Variants in FGB observed in about 807,000 individuals in gnomAD.
The protein encoded by FGB is fibrinogen beta chain.
FGB carries 25 observed loss-of-function variants against 57.9 expected under a neutral mutation model. The ratio of observed to expected loss-of-function variants is 0.43; its 90% CI spans 0.31 to 0.60. The LOEUF (loss-of-function observed/expected upper bound fraction) is 0.60. Among genes scored for constraint, FGB ranks in the 20% least tolerant of loss-of-function variants. The pLI, the probability that FGB is intolerant of heterozygous loss-of-function variation, is 0.08. For missense variants in FGB, 536 were observed against 598.4 expected (o/e 0.90, Z 1.09); for synonymous variants, 203 against 199.2 (o/e 1.02, Z -0.16).
chr4:154,563,406 A>ACTT, intron 1 of FGB, among the ~76,000 whole-genome samples: 1 of 152,002 alleles, frequency 6.6e-6, no homozygotes, highest in South Asian at 2.1e-4. Flanking sequence ...TGCTATTCTG[A>ACTT]GTACTGTGAT....
chr4:154,570,493 C>T lies in FGB; in HGVS notation c.1319C>T (p.Ala440Val). The change falls in exon 8 of 8, where the codon GCC (alanine) becomes GTC (valine). Residue 440 changes from alanine (A) to valine (V), a missense_variant. Physicochemically the swap from Ala to Val is moderately conservative, Grantham distance 64. Coordinates refer to ENST00000302068, the MANE Select transcript of FGB (RefSeq NM_005141.5). ...TGGTGGTATAATAGATGTCATGCAG[C>T]CAATCCAAACGGCAGATACTACTGG... ...GGWWYNRCHA[A>V]NPNGRYYWGG... is the part of the protein sequence containing the mutation. 6.2e-7 allele frequency: 1 copy of T among 1,614,096 alleles called. No individual in the cohort carries two copies. The highest frequency in any genetic ancestry group is 8.5e-7 in the Non-Finnish European group (1 of 1,179,998).
In FGB at chr4:154,567,698, G is replaced by A. The variant is rs548206997; in HGVS notation, c.596G>A (p.Arg199His). The A allele has an allele frequency of 5.1e-5, 83 of 1,613,730 alleles. No individual in the cohort carries two copies. Among genetic ancestry groups the A allele is most frequent in the East Asian group, 8.9e-5 (4 of 44,876 alleles). The change falls in exon 4 of 8, where the codon CGT becomes CAT. Residue 199 changes from arginine (R) to histidine (H), a missense_variant. By Grantham distance (29) the Arg-to-His change is conservative. This residue lies in a region of FGB where 354 missense variants were observed against 383.4 expected (regional missense o/e 0.92). Transcript: ENST00000302068. ...ATCCCAACTAACCTTCGTGTGCTTCGTTCAATCCTGGAAAACCTGAGAAGC... is the reference window on the plus strand; with the variant it reads ...ATCCCAACTAACCTTCGTGTGCTTCATTCAATCCTGGAAAACCTGAGAAGC... Reference protein sequence around the residue: ...SNIPTNLRVLRSILENLRSKI... With the variant: ...SNIPTNLRVLHSILENLRSKI...
chr4:154,564,576 C>A (rs1730078196), intron 1 of FGB, among the ~76,000 whole-genome samples: 1 of 151,992 alleles, frequency 6.6e-6, no homozygotes, highest in Non-Finnish European at 1.5e-5. Flanking sequence ...ATCTTAGCAC[C>A]ATCCTACTAA....
In FGB at chr4:154,566,836, T is replaced by C. The variant is rs994118230; in HGVS notation, c.490+164T>C. The C allele has an allele frequency of 6.0e-6, 4 of 664,172 alleles. No individual in the cohort carries two copies. The African/African-American group carries it at 7.2e-5, about 12-fold the overall frequency. 41.1% of individuals were successfully genotyped at this position (664,172 alleles called of 1,614,324 possible). On this transcript the variant is annotated intron_variant, in intron 3 of 7. Transcript: ENST00000302068. ...CTGCAACTTGCCAGATAAGCACTATTCAGCTCTTATTCCCAGTCTGACATC... is the reference window on the plus strand; with the variant it reads ...CTGCAACTTGCCAGATAAGCACTATCCAGCTCTTATTCCCAGTCTGACATC...
intron 1 of FGB, among the ~76,000 whole-genome samples, chr4:154,563,624 A>G (rs1283769789): frequency 6.6e-6 from 1 of 151,950 alleles, no homozygotes; most frequent in Non-Finnish European, 1.5e-5. Context: ...AAAATACATC[A>G]AGTGTAATGA....
At chr4:154,565,428 A>G in intron 1 of FGB, 1 of 293,936 alleles carries the variant, frequency 3.4e-6, no homozygotes, top group South Asian at 3.4e-5. Context: ...ATGATTAACA[A>G]TAATCATAGG....
rs886059141 is a variant in FGB at position 154,565,944 on chromosome 4, A to C, written c.251A>C (p.Lys84Thr). 13 of 1,614,046 alleles carry C rather than the reference A, an allele frequency of 8.1e-6. No homozygotes were observed. The highest frequency in any genetic ancestry group is 1.7e-4 in the Middle Eastern group (1 of 6,034). ...RPAKAAATQKKVERKAPDAGG... is the reference protein window; with the variant it reads ...RPAKAAATQKTVERKAPDAGG... ...GCCAAAGCAGCTGCCACTCAAAAGAAAGTAGAAAGAAAAGCCCCTGATGCT... is the reference window on the plus strand; with the variant it reads ...GCCAAAGCAGCTGCCACTCAAAAGACAGTAGAAAGAAAAGCCCCTGATGCT... Residue 84 changes from lysine to threonine, a missense_variant, in exon 2 of 8, where the codon AAA becomes ACA. Lys to Thr is a moderately conservative substitution (Grantham distance 78). Around this residue, in one of 3 missense-constraint regions of FGB, gnomAD observed 354 missense variants for 383.4 expected, o/e 0.92. Coordinates refer to ENST00000302068, the MANE Select transcript of FGB (RefSeq NM_005141.5).
chr4:154,570,741 T>G lies in FGB; in HGVS notation c.*91T>G, dbSNP rs1330090685. The G allele has an allele frequency of 1.0e-6, 1 of 972,708 alleles. No homozygotes were observed. Among genetic ancestry groups the G allele is most frequent in the East Asian group, 2.6e-5 (1 of 39,184 alleles). 60.3% of individuals were successfully genotyped at this position (972,708 alleles called of 1,614,324 possible). On this transcript the variant is annotated 3_prime_UTR_variant, in exon 8 of 8. Coordinates refer to ENST00000302068, the MANE Select transcript of FGB (RefSeq NM_005141.5). ...TTTTCTTTCATACATTATATTCCTC[T>G]AAAACTCTCAAGCAGACGTGAGTGT...
intron 3 of FGB, 61 bp downstream of exon 3, chr4:154,566,733 C>G (rs1422567961): frequency 4.9e-6 from 7 of 1,430,876 alleles, no homozygotes; most frequent in Non-Finnish European, 6.9e-6. Context: ...GTTAGACTGC[C>G]ACGAGAATGC....
At position 154,568,426 on chromosome 4, in the gene FGB, A is replaced by G. The variant is rs750327950; in HGVS notation, c.764A>G (p.Tyr255Cys). The G allele has an allele frequency of 6.2e-7, 1 of 1,609,362 alleles. No homozygotes were observed. Among genetic ancestry groups the G allele is most frequent in the Non-Finnish European group, 8.5e-7 (1 of 1,175,654 alleles). Reference protein sequence around the residue: ...IRKGGETSEMYLIQPDSSVKP... With the variant: ...IRKGGETSEMCLIQPDSSVKP... ...AAAGGAGGTGAAACATCTGAAATGT[A>G]TCTCATTCAACCTGACAGTTCTGTC... is the stretch of plus-strand genomic sequence containing the variant. Residue 255 changes from tyrosine (Y) to cysteine (C), a missense_variant, in exon 5 of 8, where the codon TAT becomes TGT. Tyr to Cys is a radical substitution (Grantham distance 194). Coordinates refer to ENST00000302068, the MANE Select transcript of FGB (RefSeq NM_005141.5).
chr4:154,565,588 A>G (rs1730120871), intron 1 of FGB: 2 of 567,674 alleles, frequency 3.5e-6, no homozygotes. Context: ...CTCTCTTTAA[A>G]AACTACACTG....
Position 154,572,175 on chromosome 4 carries a change from A to G in FGB, c.*1525A>G, listed in dbSNP as rs1560819946. On this transcript the variant is annotated 3_prime_UTR_variant, in exon 8 of 8. Transcript: ENST00000302068. ...TCCTGTTCCCTTCACTATAACCTAC[A>G]TTTTTGTCACATTAAGTTTTTCCCC... is the stretch of plus-strand genomic sequence containing the variant. 6.6e-6 allele frequency among the ~76,000 whole-genome samples: 1 copy of G among 152,108 alleles called. No individual in the cohort carries two copies. The highest frequency in any genetic ancestry group is 1.5e-5 in the Non-Finnish European group (1 of 68,030).
At chr4:154,568,063 T>A (rs1428295883) in intron 4 of FGB, among the ~76,000 whole-genome samples, 1 of 152,174 alleles carries the variant, frequency 6.6e-6, no homozygotes, top group East Asian at 1.9e-4. Context: ...TGCATCTGCG[T>A]ACTGGCTTGA....
At chr4:154,569,937 C>G (rs924073433) in intron 7 of FGB, 138 bp downstream of exon 7, 5 of 837,438 alleles carry the variant, frequency 6.0e-6, no homozygotes, top group East Asian at 5.1e-5. Context: ...ATGCATCACT[C>G]GAAAGCATTT....
At chr4:154,564,082 T>G (rs1465635646) in intron 1 of FGB, among the ~76,000 whole-genome samples, 1 of 151,992 alleles carries the variant, frequency 6.6e-6, no homozygotes, top group Non-Finnish European at 1.5e-5. Flanking sequence ...TGGTTAATCA[T>G]ATTAGGTAAG....
rs1730454922 is a variant in FGB at position 154,572,171 on chromosome 4, C to G, written c.*1521C>G. Reference sequence around the variant, plus strand: ...CATTTCCTGTTCCCTTCACTATAACCTACATTTTTGTCACATTAAGTTTTT... The same window carrying G: ...CATTTCCTGTTCCCTTCACTATAACGTACATTTTTGTCACATTAAGTTTTT... On this transcript the variant is annotated 3_prime_UTR_variant, in exon 8 of 8. Coordinates refer to ENST00000302068, the MANE Select transcript of FGB (RefSeq NM_005141.5). 6.6e-6 allele frequency among the ~76,000 whole-genome samples: 1 copy of G among 152,120 alleles called. No individual in the cohort carries two copies. The highest frequency in any genetic ancestry group is 6.6e-5 in the Admixed American group (1 of 15,266).
At chr4:154,570,289 C>A in intron 7 of FGB, 130 bp from the exon 8 acceptor site, 1 of 734,968 alleles carries the variant, frequency 1.4e-6, no homozygotes, top group Non-Finnish European at 2.4e-6. Context: ...ATTAGTGTGA[C>A]TCTATGTATA....
chr4:154,566,917 A>T (rs953049117), intron 3 of FGB, among the ~76,000 whole-genome samples: 2 of 152,206 alleles, frequency 1.3e-5, no homozygotes, highest in Non-Finnish European at 2.9e-5. Context: ...TTAAGTATAC[A>T]AGAAACTTGT....
chr4:154,570,875 C>A lies in FGB; in HGVS notation c.*225C>A. Reference sequence around the variant, plus strand: ...AGAAGTAACAAAAGTATAGTTTTGACAGAGTTGGTGTTCATAATTTCAGTT... The same window carrying A: ...AGAAGTAACAAAAGTATAGTTTTGAAAGAGTTGGTGTTCATAATTTCAGTT... On this transcript the variant is annotated 3_prime_UTR_variant, in exon 8 of 8. Transcript: ENST00000302068. The A allele has an allele frequency of 1.8e-6, 1 of 566,332 alleles. No homozygotes were observed. The highest frequency in any genetic ancestry group is 3.2e-6 in the Non-Finnish European group (1 of 315,630). 35.1% of individuals were successfully genotyped at this position (566,332 alleles called of 1,614,324 possible). A position where few individuals can be genotyped will look rare whatever the true frequency, so the allele number is the denominator to read the frequency against.
Sources: allele counts gnomAD v4.1 joint callset (sites outside exome capture counted in the v4.1 genomes callset), GRCh38; gene constraint gnomAD v4.1.1; regional missense constraint gnomAD v4.1.1; transcripts MANE v1.5; gene names NCBI Gene and HGNC (gene_info 2026-07-23, HGNC 2026-07-21).